The following DLC1 variants were observed in gnomAD, a reference collection of about 807,000 sequenced individuals.
DLC1 encodes the protein rho GTPase-activating protein 7.
A neutral mutation model predicts 140.3 loss-of-function variants in DLC1; 54 were observed. The observed-to-expected ratio is 0.38, with a 90% CI of 0.31 to 0.48. The LOEUF is 0.48. Ranked by LOEUF, DLC1 falls within the 20% of genes least tolerant of loss-of-function variation. DLC1 has a pLI of 0.96. For synonymous variants in DLC1, 986 were observed against 728.1 expected (o/e 1.35, Z -5.70); for missense variants, 2,536 against 1,907.0 (o/e 1.33, Z -6.14).
At chr8:13,278,361 T>G (rs1236517103) in intron 5 of DLC1, among the ~76,000 whole-genome samples, 1 of 152,192 alleles carries the variant, frequency 6.6e-6, no homozygotes, top group East Asian at 1.9e-4. Flanking sequence ...GCGTGTTGAA[T>G]CATGTCATCT....
At chr8:13,453,530 ATATATATACATATATATATATATATAT>A (rs1799246497) in intron 2 of DLC1, among the ~76,000 whole-genome samples, 1 of 49,316 alleles carries the variant, frequency 2.0e-5, no homozygotes, top group African/African-American at 1.1e-4. Flanking sequence ...ATATATATGT[ATATATATACATATATATATATATATAT>A]TTTTTTTTTT....
chr8:13,183,467 C>G (rs572173030), intron 5 of DLC1, among the ~76,000 whole-genome samples: 1 of 152,230 alleles, frequency 6.6e-6, no homozygotes, highest in Admixed American at 6.5e-5. Context: ...ATAAATACCT[C>G]TTACCATTTT....
At chr8:13,473,811 T>C (rs1281171011) in intron 2 of DLC1, among the ~76,000 whole-genome samples, 3 of 152,170 alleles carry the variant, frequency 2.0e-5, no homozygotes, top group Non-Finnish European at 4.4e-5. Flanking sequence ...TTGAGAGAGA[T>C]GATTTGTTAT....
chr8:13,597,826 G>A (rs535861029), intron 1 of DLC1, among the ~76,000 whole-genome samples: 43 of 152,030 alleles, frequency 2.8e-4, no homozygotes, highest in Non-Finnish European at 5.3e-4. Flanking sequence ...CAAACTTATA[G>A]AAACATGCTG....
At chr8:13,462,897 T>A (rs1323455988) in intron 2 of DLC1, among the ~76,000 whole-genome samples, 3 of 152,172 alleles carry the variant, frequency 2.0e-5, no homozygotes, top group African/African-American at 7.2e-5. Flanking sequence ...TCAGTTGCTA[T>A]AGCTACCCCT....
At chr8:13,174,287 C>A (rs28402180) in intron 5 of DLC1, among the ~76,000 whole-genome samples, 5,222 of 152,250 alleles carry the variant, frequency 0.034, 297 homozygotes, top group African/African-American at 0.12. Flanking sequence ...TAGGTTGATT[C>A]TATGTCTTTG....
At chr8:13,136,792 C>G (rs1360233186) in intron 5 of DLC1, among the ~76,000 whole-genome samples, 5 of 152,198 alleles carry the variant, frequency 3.3e-5, no homozygotes, top group African/African-American at 1.2e-4. Flanking sequence ...GTCTTGGCCT[C>G]CCAAAGTGTT....
At chr8:13,156,979 G>A (rs1563118895) in intron 5 of DLC1, among the ~76,000 whole-genome samples, 3 of 152,232 alleles carry the variant, frequency 2.0e-5, no homozygotes, top group Admixed American at 2.0e-4. Context: ...TAACTGCAAC[G>A]TCTGAAATCT....
chr8:13,442,920 C>T (rs1798591839), intron 2 of DLC1, among the ~76,000 whole-genome samples: 1 of 152,114 alleles, frequency 6.6e-6, no homozygotes, highest in South Asian at 2.1e-4. Flanking sequence ...TTTATTGTGG[C>T]AGTATTCACA....
At chr8:13,382,603 A>G (rs1836325848) in intron 4 of DLC1, among the ~76,000 whole-genome samples, 1 of 152,012 alleles carries the variant, frequency 6.6e-6, no homozygotes, top group African/African-American at 2.4e-5. Flanking sequence ...ATTCAAAAAT[A>G]AAACTTTGTT....
chr8:13,121,243 G>A (rs1306419248), intron 5 of DLC1, among the ~76,000 whole-genome samples: 1 of 152,204 alleles, frequency 6.6e-6, no homozygotes, highest in African/African-American at 2.4e-5. Flanking sequence ...TCAGCTGTGT[G>A]CAGGCAGGTG....
At chr8:13,406,181 G>GTTGTTTTTTTTTTT (rs1554514489) in intron 2 of DLC1, among the ~76,000 whole-genome samples, 5 of 84,958 alleles carry the variant, frequency 5.9e-5, no homozygotes, top group African/African-American at 4.8e-5. Context: ...TAATTTTTGT[G>GTTGTTTTTTTTTTT]TTTTTTTTTT....
At chr8:13,112,026 G>A (rs1820157866) in intron 6 of DLC1, among the ~76,000 whole-genome samples, 1 of 152,106 alleles carries the variant, frequency 6.6e-6, no homozygotes, top group Non-Finnish European at 1.5e-5. Context: ...TGGCATGCGG[G>A]CTGTGGTCTC....
chr8:13,521,343 C>T (rs1248860926), intron 1 of DLC1, among the ~76,000 whole-genome samples: 3 of 151,776 alleles, frequency 2.0e-5, no homozygotes, highest in African/African-American at 7.3e-5. Context: ...GACAAACCAC[C>T]GTGGCACACA....
intron 17 of DLC1, 177 bp from the exon 18 acceptor site, chr8:13,086,108 C>T (rs1475603774): frequency 3.0e-6 from 4 of 1,336,866 alleles, no homozygotes; most frequent in Admixed American, 2.8e-5. Context: ...TCTAAGGGAA[C>T]CAAATTACGA....
At chr8:13,569,480 A>G (rs1804571003) in intron 1 of DLC1, among the ~76,000 whole-genome samples, 1 of 152,124 alleles carries the variant, frequency 6.6e-6, no homozygotes, top group Non-Finnish European at 1.5e-5. Flanking sequence ...GTCATGCTTT[A>G]TCTTTGACAT....
At chr8:13,429,071 G>C (rs1288278033) in intron 2 of DLC1, among the ~76,000 whole-genome samples, 2 of 152,168 alleles carry the variant, frequency 1.3e-5, no homozygotes, top group African/African-American at 4.8e-5. Flanking sequence ...TACGATTAAA[G>C]GGATGAACAA....
chr8:13,483,718 T>C (rs1464630458), intron 2 of DLC1, among the ~76,000 whole-genome samples: 1 of 152,128 alleles, frequency 6.6e-6, no homozygotes, highest in African/African-American at 2.4e-5. Context: ...GTGACTGTCC[T>C]TGAAAACCAT....
At chr8:13,148,855 C>T (rs989886198) in intron 5 of DLC1, among the ~76,000 whole-genome samples, 3 of 152,046 alleles carry the variant, frequency 2.0e-5, no homozygotes, top group Non-Finnish European at 4.4e-5. Context: ...TGCAGTGGCG[C>T]GATCTTGGCT....
Sources: allele counts gnomAD v4.1 joint callset (sites outside exome capture counted in the v4.1 genomes callset), GRCh38; gene constraint gnomAD v4.1.1; transcripts MANE v1.5; gene names NCBI Gene and HGNC (gene_info 2026-07-23, HGNC 2026-07-21).